The following CDH13 variants were observed in gnomAD, a reference collection of about 807,000 sequenced individuals.
The protein encoded by CDH13 is cadherin 13, also known as cadherin-13.
CDH13 carries 24 observed loss-of-function variants against 63.8 expected under a neutral mutation model. That is an observed-to-expected ratio of 0.38 (90% CI 0.27 to 0.53). CDH13 has a LOEUF of 0.53. Among genes scored for constraint, CDH13 ranks in the 20% least tolerant of loss-of-function variants. The pLI is 0.85. For synonymous variants in CDH13, 503 were observed against 355.3 expected (o/e 1.42, Z -4.67); for missense variants, 1,049 against 903.1 (o/e 1.16, Z -2.07).
chr16:83,087,771 A>G (rs2033685552), intron 3 of CDH13, among the ~76,000 whole-genome samples: 1 of 151,570 alleles, frequency 6.6e-6, no homozygotes, highest in African/African-American at 2.4e-5. Flanking sequence ...TTTTAAACCT[A>G]ATGATGTTTA....
At chr16:83,234,076 G>A (rs2040078822) in intron 5 of CDH13, among the ~76,000 whole-genome samples, 1 of 152,188 alleles carries the variant, frequency 6.6e-6, no homozygotes, top group Admixed American at 6.5e-5. Flanking sequence ...TTCAAATAGG[G>A]TGACGGCCGG....
intron 1 of CDH13, among the ~76,000 whole-genome samples, chr16:82,715,802 A>G (rs950872569): frequency 4.6e-5 from 7 of 152,194 alleles, no homozygotes; most frequent in Non-Finnish European, 8.8e-5. Flanking sequence ...ATTACAAGCC[A>G]CAGTCTCACC....
In CDH13 at chr16:83,368,656, G is replaced by A. The variant is rs542552135; in HGVS notation, c.781+23650G>A. Among the ~76,000 whole-genome samples, 338 of 143,290 alleles carry A rather than the reference G, an allele frequency of 2.4e-3. 3 individuals carry two copies. The highest frequency in any genetic ancestry group is 8.1e-3 in the African/African-American group (315 of 39,014). 94.0% of individuals were successfully genotyped at this position (143,290 alleles called of 152,430 possible). ...TCCACTGTACCCAATGTGTAGTCTC[G>A]TATCCGTTGCCATGCCCAACCCTTT... On this transcript the variant is annotated intron_variant, in intron 6 of 13. Coordinates refer to ENST00000567109, the MANE Select transcript of CDH13 (RefSeq NM_001257.5).
intron 5 of CDH13, among the ~76,000 whole-genome samples, chr16:83,312,259 A>G (rs2090017535): frequency 1.3e-5 from 2 of 152,148 alleles, no homozygotes; most frequent in Admixed American, 6.5e-5. Flanking sequence ...ACCAGCTCAC[A>G]GTACTGCTCT....
At chr16:83,135,089 A>G (rs1485280244) in intron 4 of CDH13, among the ~76,000 whole-genome samples, 1 of 152,228 alleles carries the variant, frequency 6.6e-6, no homozygotes, top group Non-Finnish European at 1.5e-5. Flanking sequence ...AAATTGGACT[A>G]GAATGTTCAC....
chr16:83,510,812 A>G (rs1317254816), intron 7 of CDH13, among the ~76,000 whole-genome samples: 1 of 152,242 alleles, frequency 6.6e-6, no homozygotes, highest in Non-Finnish European at 1.5e-5. Flanking sequence ...AGAAAAATAA[A>G]TGCAGACAAC....
intron 2 of CDH13, among the ~76,000 whole-genome samples, chr16:82,892,254 C>T (rs575367788): frequency 6.6e-6 from 1 of 152,288 alleles, no homozygotes; most frequent in Non-Finnish European, 1.5e-5. Flanking sequence ...GGTGGACGTA[C>T]AAAACACTCA....
At chr16:83,046,474 A>G (rs1917793917) in intron 3 of CDH13, among the ~76,000 whole-genome samples, 2 of 152,272 alleles carry the variant, frequency 1.3e-5, no homozygotes, top group African/African-American at 2.4e-5. Context: ...GAAAACTTTT[A>G]AATAATATCC....
At chr16:83,214,873 C>T (rs969124786) in intron 4 of CDH13, among the ~76,000 whole-genome samples, 1 of 151,914 alleles carries the variant, frequency 6.6e-6, no homozygotes, top group Non-Finnish European at 1.5e-5. Flanking sequence ...AGGATTGCAA[C>T]ATATAGCTGT....
chr16:83,189,178 T>C (rs1016324669), intron 4 of CDH13, among the ~76,000 whole-genome samples: 1 of 152,212 alleles, frequency 6.6e-6, no homozygotes, highest in Non-Finnish European at 1.5e-5. Flanking sequence ...GCTCTCATCC[T>C]AATTTAGGGC....
chr16:83,520,957 C>G (rs550529315), intron 7 of CDH13, among the ~76,000 whole-genome samples: 1 of 152,200 alleles, frequency 6.6e-6, no homozygotes, highest in African/African-American at 2.4e-5. Context: ...AGTGCCTCTC[C>G]TCAGGTTTCA....
At chr16:83,496,136 C>T (rs2074137410) in intron 7 of CDH13, among the ~76,000 whole-genome samples, 1 of 152,062 alleles carries the variant, frequency 6.6e-6, no homozygotes, top group African/African-American at 2.4e-5. Flanking sequence ...CAATGACTTT[C>T]TTCACAGAAT....
chr16:83,314,734 G>A (rs940209138), intron 5 of CDH13, among the ~76,000 whole-genome samples: 1 of 152,168 alleles, frequency 6.6e-6, no homozygotes, highest in African/African-American at 2.4e-5. Flanking sequence ...CTGATTTCAT[G>A]GGTACATCAT....
At chr16:83,540,312 C>A (rs2075275837) in intron 7 of CDH13, among the ~76,000 whole-genome samples, 1 of 152,162 alleles carries the variant, frequency 6.6e-6, no homozygotes, top group Non-Finnish European at 1.5e-5. Flanking sequence ...GACCGACAAA[C>A]TGCGTCTGCT....
intron 2 of CDH13, among the ~76,000 whole-genome samples, chr16:82,995,204 C>T (rs79391744): frequency 0.012 from 1,755 of 152,312 alleles, 33 homozygotes; most frequent in African/African-American, 0.04. Flanking sequence ...TTATTCAACT[C>T]AACTGTGGCC....
chr16:83,755,055 CA>C (rs1913394061), intron 11 of CDH13, among the ~76,000 whole-genome samples: 1 of 151,804 alleles, frequency 6.6e-6, no homozygotes, highest in Admixed American at 6.6e-5. Context: ...AATTAGCACA[CA>C]AGAACATTAA....
intron 1 of CDH13, among the ~76,000 whole-genome samples, chr16:82,753,303 A>T (rs1413489553): frequency 6.6e-6 from 1 of 152,182 alleles, no homozygotes; most frequent in Admixed American, 6.5e-5. Context: ...ATCTCACTTC[A>T]TCTCAAAAAC....
chr16:83,572,159 T>TA (rs1378942363), intron 7 of CDH13, among the ~76,000 whole-genome samples: 2 of 143,898 alleles, frequency 1.4e-5, no homozygotes, highest in Non-Finnish European at 3.0e-5. Context: ...AGGTATTTTT[T>TA]ATTCCACTTT....
chr16:83,634,644 A>G (rs1598399367), intron 8 of CDH13, among the ~76,000 whole-genome samples: 1 of 151,982 alleles, frequency 6.6e-6, no homozygotes, highest in African/African-American at 2.4e-5. Flanking sequence ...CAGGTGATCC[A>G]CCTGCCTCGG....
Sources: allele counts gnomAD v4.1 joint callset (sites outside exome capture counted in the v4.1 genomes callset), GRCh38; gene constraint gnomAD v4.1.1; transcripts MANE v1.5; gene names NCBI Gene and HGNC (gene_info 2026-07-23, HGNC 2026-07-21).